The following MRPS5 variants were observed in gnomAD, a reference collection of about 807,000 sequenced individuals.
MRPS5 encodes mitochondrial ribosomal protein S5, also known as small ribosomal subunit protein uS5m.
A neutral mutation model predicts 51.9 loss-of-function variants in MRPS5; 27 were observed. The ratio of observed to expected loss-of-function variants is 0.52; its 90% CI spans 0.38 to 0.72. The LOEUF (loss-of-function observed/expected upper bound fraction) is 0.72, where lower values mean the gene tolerates loss of function less well. Among genes scored for constraint, MRPS5 ranks in the 30% least tolerant of loss-of-function variants. The probability of loss-of-function intolerance (pLI) is 0.00; values close to 1 mark genes in which losing one functional copy is unlikely to be tolerated. For missense variants in MRPS5, 570 were observed against 545.7 expected, an observed-to-expected ratio of 1.04 and a Z score of -0.44; for synonymous variants, 196 against 193.2, an observed-to-expected ratio of 1.01 and a Z score of -0.12.
chr2:95,089,286 CAG>C (rs983783284), intron 11 of MRPS5, among the ~76,000 whole-genome samples: 10 of 152,156 alleles, frequency 6.6e-5, no homozygotes, highest in African/African-American at 1.7e-4. Flanking sequence ...CTACTTTAAA[CAG>C]AGACATGTAA....
chr2:95,107,481 G>C (rs891325288), intron 5 of MRPS5, among the ~76,000 whole-genome samples: 2 of 152,144 alleles, frequency 1.3e-5, no homozygotes, highest in African/African-American at 4.8e-5. Context: ...TTGGTTCATG[G>C]ATTTTGTTCT....
intron 7 of MRPS5, among the ~76,000 whole-genome samples, chr2:95,102,788 T>G (rs1675840859): frequency 6.6e-6 from 1 of 152,216 alleles, no homozygotes; most frequent in Admixed American, 6.5e-5. Context: ...TCAATGACTC[T>G]TTAGTTTATG....
At chr2:95,088,529 A>G (rs1411416924) in intron 11 of MRPS5, among the ~76,000 whole-genome samples, 1 of 152,210 alleles carries the variant, frequency 6.6e-6, no homozygotes, top group Non-Finnish European at 1.5e-5. Flanking sequence ...TTCTAATTAT[A>G]TATCTAATGC....
chr2:95,096,230 A>T (rs1675622731), intron 10 of MRPS5, among the ~76,000 whole-genome samples: 1 of 152,218 alleles, frequency 6.6e-6, no homozygotes, highest in Non-Finnish European at 1.5e-5. Context: ...GACCAGACAG[A>T]TTCATAGCCA....
chr2:95,100,414 A>G (rs553094269), intron 10 of MRPS5, 60 bp downstream of exon 10: 2 of 1,259,504 alleles, frequency 1.6e-6, no homozygotes, highest in Non-Finnish European at 2.3e-6. Flanking sequence ...AGAGGAGAGG[A>G]TAGAACTGTT....
At chr2:95,092,475 G>T (rs1225945578) in intron 10 of MRPS5, 1 of 152,158 alleles carries the variant, frequency 6.6e-6, no homozygotes, top group Non-Finnish European at 1.5e-5. Flanking sequence ...ATCTCCTACA[G>T]AACTAGTAAC....
chr2:95,113,834 G>T (rs563543582), intron 3 of MRPS5, among the ~76,000 whole-genome samples: 1 of 151,860 alleles, frequency 6.6e-6, no homozygotes, highest in African/African-American at 2.4e-5. Context: ...ATTAAAAAAA[G>T]CAGAAGGCCA....
At chr2:95,101,631 T>A (rs780799133) in intron 8 of MRPS5, 46 bp downstream of exon 8, 3 of 1,473,212 alleles carry the variant, frequency 2.0e-6, no homozygotes, top group Non-Finnish European at 1.9e-6. Flanking sequence ...GCATATAACT[T>A]ACTAATCTTT....
At chr2:95,118,552 CTGTT>C (rs922298997) in intron 1 of MRPS5, among the ~76,000 whole-genome samples, 2 of 152,242 alleles carry the variant, frequency 1.3e-5, no homozygotes, top group Admixed American at 1.3e-4. Flanking sequence ...GCAAGGTTCT[CTGTT>C]TGTCTGAAAC....
In MRPS5 at chr2:95,086,704, G is replaced by A. The variant is rs922927279; in HGVS notation, c.*653C>T. 3.3e-5 allele frequency among the ~76,000 whole-genome samples: 5 copies of A among 152,056 alleles called. No homozygotes were observed. The highest frequency in any genetic ancestry group is 1.2e-4 in the African/African-American group (5 of 41,410). On this transcript the variant is annotated 3_prime_UTR_variant, in exon 12 of 12. Coordinates refer to ENST00000272418, the MANE Select transcript of MRPS5 (RefSeq NM_031902.5). The stretch of plus-strand genomic sequence containing the variant: ...TGTATGATAGGGGGGCTTATATCTA[G>A]AAACTATAAGGAACTCAATAATAAT...
upstream of MRPS5, chr2:95,121,835 T>C (rs774202132): frequency 6.7e-7 from 1 of 1,503,570 alleles, no homozygotes; most frequent in Non-Finnish European, 8.8e-7. Context: ...AGGGCAGCCT[T>C]GCCCACCGCC....
chr2:95,113,081 G>C (rs1332940266), intron 3 of MRPS5, among the ~76,000 whole-genome samples: 3 of 152,036 alleles, frequency 2.0e-5, no homozygotes, highest in African/African-American at 7.2e-5. Context: ...TGAATGAAGA[G>C]AGTCCGAGGC....
In MRPS5 at chr2:95,109,975, C is replaced by T. The variant is rs778550414; in HGVS notation, c.344G>A (p.Gly115Asp). 1.9e-6 allele frequency: 3 copies of T among 1,613,854 alleles called. No homozygotes were observed. Among genetic ancestry groups the T allele is most frequent in the Non-Finnish European group, 2.5e-6 (3 of 1,179,958 alleles). ...ETGAGAKKGR[G>D]KRTKKKKRKD... ...TCTTTTCTTCTTTTTAGTTCTTTTG[C>T]CTCTTCCTTTTTTTGCTCCAGCACC... The change falls in exon 4 of 12, where the codon GGC becomes GAC. Residue 115 changes from glycine to aspartate, a missense_variant. Physicochemically the swap from Gly to Asp is moderately conservative, Grantham distance 94 (BLOSUM62 -1). Coordinates refer to ENST00000272418, the MANE Select transcript of MRPS5 (RefSeq NM_031902.5).
At chr2:95,120,904 G>C (rs533757983) in intron 1 of MRPS5, among the ~76,000 whole-genome samples, 3 of 152,260 alleles carry the variant, frequency 2.0e-5, no homozygotes, top group African/African-American at 4.8e-5. Context: ...TGGATCACGA[G>C]GTCAGGAGTT....
Position 95,107,052 on chromosome 2 carries a change from A to G in MRPS5, c.638-595T>C, listed in dbSNP as rs548922539. Among the ~76,000 whole-genome samples the G allele has an allele frequency of 7.2e-5, 11 of 151,984 alleles. No individual in the cohort carries two copies. The East Asian group carries it at 2.1e-3, about 30-fold the overall frequency. On this transcript the variant is annotated intron_variant, in intron 5 of 11. Transcript: ENST00000272418. ...GTTCACCACTGCAGCCATTTCAAAG[A>G]CTCCCTACGTTCTTTTATTTTCAAA...
chr2:95,115,491 G>C (rs944466667), intron 2 of MRPS5, among the ~76,000 whole-genome samples: 1 of 152,158 alleles, frequency 6.6e-6, no homozygotes, highest in South Asian at 2.1e-4. Context: ...CGCTAACCTA[G>C]GTCAGCAGTC....
chr2:95,117,957 A>G lies in MRPS5; in HGVS notation c.59-12T>C, dbSNP rs781412318. The stretch of plus-strand genomic sequence containing the variant: ...CCCCAATAAATGACCTGCAAATTGG[A>G]AAAAAAAAAATTTAAGATACATTTC... On this transcript the variant is annotated splice_polypyrimidine_tract_variant and intron_variant, in intron 1 of 11. Coordinates refer to ENST00000272418, the MANE Select transcript of MRPS5 (RefSeq NM_031902.5). 2.3e-6 allele frequency: 3 copies of G among 1,323,364 alleles called. No individual in the cohort carries two copies. Among genetic ancestry groups the G allele is most frequent in the East Asian group, 2.7e-5 (1 of 36,932 alleles). 82.0% of individuals were successfully genotyped at this position (1,323,364 alleles called of 1,614,324 possible). A position where few individuals can be genotyped will look rare whatever the true frequency, so the allele number is the denominator to read the frequency against.
At chr2:95,105,441 T>C (rs1293314831) in intron 6 of MRPS5, among the ~76,000 whole-genome samples, 2 of 151,764 alleles carry the variant, frequency 1.3e-5, no homozygotes, top group East Asian at 3.9e-4. Flanking sequence ...TCCCAGCTAC[T>C]CGGGAGGCTG....
chr2:95,104,902 C>G (rs1443136815), intron 6 of MRPS5, among the ~76,000 whole-genome samples, 172 bp from the exon 7 acceptor site: 5 of 152,262 alleles, frequency 3.3e-5, no homozygotes, highest in African/African-American at 1.2e-4. Context: ...AACAAAACCT[C>G]CTCCTGGACT....
Sources: gnomAD v4.1 joint callset for allele counts (sites outside exome capture counted in the v4.1 genomes callset) on GRCh38, gnomAD v4.1.1 for gene constraint, MANE v1.5 for transcripts, NCBI Gene and HGNC (gene_info 2026-07-23, HGNC 2026-07-21) for gene names.